The following CNTN4 variants were observed in gnomAD, a reference collection of about 807,000 sequenced individuals.
The protein encoded by CNTN4 is contactin-4.
A neutral mutation model predicts 122.5 loss-of-function variants in CNTN4; 77 were observed. That is an observed-to-expected ratio of 0.63 (90% CI 0.52 to 0.76). The LOEUF is 0.76. Among genes scored for constraint, CNTN4 ranks in the 30% least tolerant of loss-of-function variants. The pLI, the probability that CNTN4 is intolerant of heterozygous loss-of-function variation, is 0.00. For missense variants in CNTN4, 1,256 were observed against 1,259.1 expected (o/e 1.00, Z 0.04); for synonymous variants, 512 against 447.0 (o/e 1.15, Z -1.83).
At chr3:2,340,718 G>T (rs1449120378) in intron 3 of CNTN4, among the ~76,000 whole-genome samples, 167 of 89,052 alleles carry the variant, frequency 1.9e-3, no homozygotes, top group African/African-American at 3.1e-3. Context: ...TATAGAGAGA[G>T]AGAGAGAGAG....
At chr3:2,907,586 T>A (rs1372988604) in intron 12 of CNTN4, among the ~76,000 whole-genome samples, 1 of 134,300 alleles carries the variant, frequency 7.4e-6, no homozygotes, top group South Asian at 2.4e-4. Flanking sequence ...AAAAAAAAAA[T>A]TATCTCTTGA....
intron 8 of CNTN4, among the ~76,000 whole-genome samples, chr3:2,877,864 T>C (rs1435264619): frequency 6.6e-6 from 1 of 152,198 alleles, no homozygotes; most frequent in African/African-American, 2.4e-5. Flanking sequence ...AAACAGCTTT[T>C]AAATTTAATG....
intron 4 of CNTN4, among the ~76,000 whole-genome samples, chr3:2,636,617 T>C (rs2082668078): frequency 6.6e-6 from 1 of 152,202 alleles, no homozygotes; most frequent in Non-Finnish European, 1.5e-5. Context: ...TTTATTACTT[T>C]ATAACTGTAT....
chr3:2,381,037 G>A (rs2045998863), intron 3 of CNTN4, among the ~76,000 whole-genome samples: 1 of 149,286 alleles, frequency 6.7e-6, no homozygotes, highest in African/African-American at 2.5e-5. Context: ...ACAGAGTCTT[G>A]GTCAGTCGCC....
intron 4 of CNTN4, among the ~76,000 whole-genome samples, chr3:2,585,890 G>A (rs1413077290): frequency 1.1e-4 from 16 of 146,018 alleles, no homozygotes; most frequent in African/African-American, 2.8e-4. Flanking sequence ...AAAAAAAAAA[G>A]CTAATGAGGC....
At chr3:2,184,777 G>C (rs540748614) in intron 2 of CNTN4, among the ~76,000 whole-genome samples, 1 of 152,134 alleles carries the variant, frequency 6.6e-6, no homozygotes, top group Non-Finnish European at 1.5e-5. Context: ...ACTAGACACT[G>C]AACCTGCTGG....
intron 3 of CNTN4, among the ~76,000 whole-genome samples, chr3:2,369,109 G>A (rs1368327771): frequency 2.6e-5 from 4 of 152,108 alleles, no homozygotes; most frequent in Admixed American, 2.6e-4. Flanking sequence ...ATTTTTAGTA[G>A]AGACACAGTT....
intron 6 of CNTN4, among the ~76,000 whole-genome samples, chr3:2,779,228 G>A (rs1382152084): frequency 6.7e-6 from 1 of 150,184 alleles, no homozygotes; most frequent in Non-Finnish European, 1.5e-5. Context: ...TTCCTTTTCA[G>A]GTTGTGGTGT....
At chr3:2,307,263 G>A (rs1387314434) in intron 2 of CNTN4, among the ~76,000 whole-genome samples, 6 of 152,056 alleles carry the variant, frequency 3.9e-5, no homozygotes, top group Non-Finnish European at 7.4e-5. Context: ...GTGAAACCCC[G>A]TCTCTACTAA....
At chr3:2,904,496 G>A (rs770252647) in intron 12 of CNTN4, among the ~76,000 whole-genome samples, 5 of 152,192 alleles carry the variant, frequency 3.3e-5, no homozygotes, top group Non-Finnish European at 5.9e-5. Context: ...TGGGGATGGA[G>A]CCTTTTTCAA....
chr3:2,110,858 GA>G (rs574648365), intron 2 of CNTN4, among the ~76,000 whole-genome samples: 56 of 152,154 alleles, frequency 3.7e-4, no homozygotes, highest in Non-Finnish European at 6.6e-4. Context: ...TACCATAGTG[GA>G]AATAGAAAAT....
At chr3:2,797,642 G>A (rs556330263) in intron 6 of CNTN4, among the ~76,000 whole-genome samples, 4 of 152,240 alleles carry the variant, frequency 2.6e-5, no homozygotes, top group African/African-American at 7.2e-5. Flanking sequence ...AGAGTTCAGT[G>A]CCCAGATGTT....
intron 3 of CNTN4, among the ~76,000 whole-genome samples, chr3:2,472,932 A>T (rs986323660): frequency 6.6e-6 from 1 of 152,100 alleles, no homozygotes; most frequent in African/African-American, 2.4e-5. Flanking sequence ...ATTAAATTGA[A>T]TTGAAAGACT....
At chr3:3,038,850 T>C in intron 18 of CNTN4, 83 bp from the exon 19 acceptor site, 1 of 1,121,644 alleles carries the variant, frequency 8.9e-7, no homozygotes, top group Non-Finnish European at 1.4e-6. Flanking sequence ...TCACTGAAAG[T>C]GAGTCACCTC....
chr3:2,377,158 G>A (rs2045850744), intron 3 of CNTN4, among the ~76,000 whole-genome samples: 4 of 138,990 alleles, frequency 2.9e-5, no homozygotes, highest in African/African-American at 2.7e-5. Flanking sequence ...CCATCTCAAG[G>A]AAAAAAAAAA....
At chr3:2,483,719 T>C (rs915433453) in intron 3 of CNTN4, among the ~76,000 whole-genome samples, 1 of 152,184 alleles carries the variant, frequency 6.6e-6, no homozygotes, top group African/African-American at 2.4e-5. Flanking sequence ...GCATTTTCTC[T>C]CCTGCCACCC....
At chr3:2,162,018 T>A (rs759652552) in intron 2 of CNTN4, among the ~76,000 whole-genome samples, 38 of 152,232 alleles carry the variant, frequency 2.5e-4, no homozygotes, top group South Asian at 6.2e-4. Context: ...GTATTGATCT[T>A]ATGTCTGTTA....
intron 3 of CNTN4, among the ~76,000 whole-genome samples, chr3:2,360,350 T>C (rs998531555): frequency 2.0e-5 from 3 of 152,286 alleles, no homozygotes; most frequent in Admixed American, 1.3e-4. Context: ...TCCTTAGGGT[T>C]TTCCTTTTGC....
At chr3:2,629,573 G>A in intron 4 of CNTN4, 1 of 452,220 alleles carries the variant, frequency 2.2e-6, no homozygotes, top group Admixed American at 2.4e-5. Context: ...GCCAGCCTTG[G>A]AGGCTGGTGA....
Sources: allele counts gnomAD v4.1 joint callset (sites outside exome capture counted in the v4.1 genomes callset), GRCh38; gene constraint gnomAD v4.1.1; transcripts MANE v1.5; gene names NCBI Gene and HGNC (gene_info 2026-07-23, HGNC 2026-07-21).